KLC1: variants seen among roughly 807,000 people sequenced by gnomAD.
KLC1 encodes the protein kinesin light chain 1.
In KLC1, 30 loss-of-function variants were observed where a neutral mutation model predicts 84.2. That is an observed-to-expected ratio of 0.36 (90% CI 0.27 to 0.48). KLC1 has a LOEUF of 0.48. KLC1 is among the 20% of genes least tolerant of loss of function. KLC1 has a pLI of 0.99. For synonymous variants in KLC1, 289 were observed against 293.3 expected (o/e 0.99, Z 0.15); for missense variants, 499 against 805.4 (o/e 0.62, Z 4.60).
At chr14:103,662,987 G>GCC in intron 5 of KLC1, 60 bp downstream of exon 5, 1 of 1,156,968 alleles carries the variant, frequency 8.6e-7, no homozygotes, top group Non-Finnish European at 1.2e-6. Flanking sequence ...TAACCATCTT[G>GCC]CCCCTTAAAA....
chr14:103,677,306 A>G lies in KLC1; in HGVS notation c.1380-109A>G. On this transcript the variant is annotated intron_variant, in intron 11 of 16. Coordinates refer to ENST00000334553, the MANE Select transcript of KLC1 (RefSeq NM_001394837.1). ...GAAAAGTACAAGAGAAAGTTAAAATATATTCAAGCCAAAACAGAAGTCTGT... is the reference window on the plus strand; with the variant it reads ...GAAAAGTACAAGAGAAAGTTAAAATGTATTCAAGCCAAAACAGAAGTCTGT... 4 of 738,288 alleles carry G rather than the reference A, an allele frequency of 5.4e-6. No individual in the cohort carries two copies. In the Admixed American group the frequency reaches 9.1e-5, roughly 17 times the overall value. The allele number at this position is 738,288 out of a possible 1,614,324, so 45.7% of individuals were successfully genotyped here.
chr14:103,662,562 C>T (rs2079386876), intron 4 of KLC1, 140 bp from the exon 5 acceptor site: 17 of 667,510 alleles, frequency 2.5e-5, no homozygotes, highest in Non-Finnish European at 4.2e-5. Context: ...CCTGCCCAGA[C>T]AGTACTAGGA....
At position 103,657,619 on chromosome 14, in the gene KLC1, G is replaced by T. The variant is rs968582543; in HGVS notation, c.335G>T (p.Arg112Leu). Residue 112 changes from arginine to leucine, a missense_variant, in exon 3 of 17, where the codon CGT becomes CTT. Arg to Leu is a moderately radical substitution (Grantham distance 102). Transcript: ENST00000334553. ...CAGAAACTGCGTGCGCAGGTTCGTCGTCTGTGCCAGGAGAATCAGTGGCTA... is the reference window on the plus strand; with the variant it reads ...CAGAAACTGCGTGCGCAGGTTCGTCTTCTGTGCCAGGAGAATCAGTGGCTA... ...EKQKLRAQVR[R>L]LCQENQWLRD... 6.2e-7 allele frequency: 1 copy of T among 1,614,180 alleles called. No individual in the cohort carries two copies. Among genetic ancestry groups the T allele is most frequent in the Non-Finnish European group, 8.5e-7 (1 of 1,180,028 alleles).
intron 14 of KLC1, among the ~76,000 whole-genome samples, chr14:103,691,332 G>C (rs1397843294): frequency 6.7e-6 from 1 of 149,712 alleles, no homozygotes; most frequent in East Asian, 2.0e-4. Context: ...CTAATTTTTT[G>C]CATTTTTAGT....
At chr14:103,662,054 T>C in intron 3 of KLC1, 62 bp from the exon 4 acceptor site, 1 of 1,103,618 alleles carries the variant, frequency 9.1e-7, no homozygotes, top group Non-Finnish European at 1.4e-6. Flanking sequence ...TATTAAAAAT[T>C]TTCAGGACAG....
chr14:103,667,704 A>T (rs1239138627), intron 5 of KLC1, among the ~76,000 whole-genome samples: 1 of 152,198 alleles, frequency 6.6e-6, no homozygotes, highest in South Asian at 2.1e-4. Flanking sequence ...TTACAATAGG[A>T]TGTAATAGGA....
chr14:103,690,437 C>T (rs776459717), intron 14 of KLC1, among the ~76,000 whole-genome samples: 2 of 152,234 alleles, frequency 1.3e-5, no homozygotes, highest in South Asian at 2.1e-4. Context: ...TGCAGTTGTT[C>T]GGCAGGGGCT....
intron 14 of KLC1, among the ~76,000 whole-genome samples, chr14:103,689,676 G>A (rs965316741): frequency 3.3e-5 from 5 of 152,246 alleles, no homozygotes; most frequent in Non-Finnish European, 5.9e-5. Flanking sequence ...CTGCTGGCCC[G>A]GGGCCACTTT....
At chr14:103,670,141 T>A in intron 6 of KLC1, 41 bp from the exon 7 acceptor site, 1 of 1,433,482 alleles carries the variant, frequency 7.0e-7, no homozygotes, top group Admixed American at 1.8e-5. Context: ...TCTTATTTGG[T>A]TATCTTTTAC....
At chr14:103,648,507 G>A (rs2078131298) in intron 1 of KLC1, among the ~76,000 whole-genome samples, 1 of 152,138 alleles carries the variant, frequency 6.6e-6, no homozygotes, top group Non-Finnish European at 1.5e-5. Flanking sequence ...TTGTGGCCTG[G>A]CATGGTGGCT....
chr14:103,649,352 T>A (rs1383611727), intron 1 of KLC1, among the ~76,000 whole-genome samples: 1 of 151,940 alleles, frequency 6.6e-6, no homozygotes, highest in African/African-American at 2.4e-5. Context: ...ACAAAATGAG[T>A]TCTAAAATAA....
intron 1 of KLC1, among the ~76,000 whole-genome samples, chr14:103,641,585 T>A (rs987071194): frequency 6.6e-6 from 1 of 151,990 alleles, no homozygotes; most frequent in African/African-American, 2.4e-5. Context: ...GTTCCCTTTT[T>A]AAAAAAAATT....
intron 5 of KLC1, among the ~76,000 whole-genome samples, chr14:103,669,101 A>T (rs1406143947): frequency 6.6e-6 from 1 of 151,798 alleles, no homozygotes; most frequent in African/African-American, 2.4e-5. Flanking sequence ...TAAATAGTTT[A>T]AGCTTAACTT....
chr14:103,698,836 C>T (rs759419858), intron 15 of KLC1: 44 of 1,606,042 alleles, frequency 2.7e-5, no homozygotes, highest in Admixed American at 1.0e-4. Context: ...CGCACCCCTT[C>T]GGCACTGATC....
At chr14:103,631,138 T>C (rs1375303294) in intron 1 of KLC1, among the ~76,000 whole-genome samples, 1 of 151,942 alleles carries the variant, frequency 6.6e-6, no homozygotes, top group Non-Finnish European at 1.5e-5. Context: ...TGGAGTGTAG[T>C]GGCGCGATCT....
rs958772780 is a variant in KLC1, at chr14:103,647,955, GT to G, written c.-1-6600del. ...AAAAGACCAGGTCTATTTGTATTGG[GT>G]TTTTTTTTCTTTTGAGACGGAGTCT... is the stretch of plus-strand genomic sequence containing the variant. On this transcript the variant is annotated intron_variant, in intron 1 of 16. Coordinates refer to ENST00000334553, the MANE Select transcript of KLC1 (RefSeq NM_001394837.1). Among the ~76,000 whole-genome samples the G allele has an allele frequency of 3.3e-4, 50 of 149,986 alleles. No homozygotes were observed. The Middle Eastern group carries it at 0.014, about 41-fold the overall frequency.
intron 13 of KLC1, among the ~76,000 whole-genome samples, chr14:103,684,375 A>G (rs1244597025): frequency 6.6e-6 from 1 of 152,254 alleles, no homozygotes; most frequent in Non-Finnish European, 1.5e-5. Flanking sequence ...AGAGGTAGAC[A>G]GTTTCTTAAG....
intron 15 of KLC1, chr14:103,698,611 C>G (rs1222742049): frequency 1.6e-6 from 1 of 638,536 alleles, no homozygotes; most frequent in Non-Finnish European, 2.8e-6. Context: ...CAGAACATCC[C>G]CCCAGCTCAG....
chr14:103,701,157 C>T (rs1390113325), intron 16 of KLC1, 44 bp from the exon 17 acceptor site: 1 of 1,549,168 alleles, frequency 6.5e-7, no homozygotes, highest in African/African-American at 1.4e-5. Context: ...GTAACACTGT[C>T]AGGTTTTGGC....
Sources: allele counts gnomAD v4.1 joint callset (sites outside exome capture counted in the v4.1 genomes callset), GRCh38; gene constraint gnomAD v4.1.1; transcripts MANE v1.5; gene names NCBI Gene and HGNC (gene_info 2026-07-23, HGNC 2026-07-21).